Variants in EYS observed in about 807,000 individuals in gnomAD.
EYS encodes protein eyes shut homolog.
EYS carries 250 observed loss-of-function variants against 282.1 expected under a neutral mutation model. The ratio of observed to expected loss-of-function variants is 0.89; its 90% CI spans 0.80 to 0.98. The LOEUF (loss-of-function observed/expected upper bound fraction) is 0.98, where lower values mean the gene tolerates loss of function less well. Ranked by LOEUF, EYS falls within the 50% of genes least tolerant of loss-of-function variation. The pLI, the probability that EYS is intolerant of heterozygous loss-of-function variation, is 0.00. For synonymous variants in EYS, 1,355 were observed against 1,282.9 expected (o/e 1.06, Z -1.20); for missense variants, 4,016 against 3,709.0 (o/e 1.08, Z -2.15).
intron 19 of EYS, among the ~76,000 whole-genome samples, chr6:64,856,030 G>C (rs567118898): frequency 6.6e-6 from 1 of 151,810 alleles, no homozygotes; most frequent in Admixed American, 6.6e-5. Context: ...GATGTGTTGG[G>C]CTTCCAGCTT....
intron 12 of EYS, among the ~76,000 whole-genome samples, chr6:65,130,800 TA>T (rs775834925): frequency 0.017 from 2,226 of 127,400 alleles, 19 homozygotes; most frequent in African/African-American, 0.028. Flanking sequence ...GAACTAAAGT[TA>T]AAAAAAAAAA....
intron 26 of EYS, among the ~76,000 whole-genome samples, chr6:64,502,955 TC>T (rs1189359773): frequency 2.0e-5 from 3 of 152,330 alleles, no homozygotes; most frequent in African/African-American, 7.2e-5. Context: ...CAATGCAAGT[TC>T]TTAACGAACT....
At chr6:64,495,017 A>G (rs1202668862) in intron 26 of EYS, among the ~76,000 whole-genome samples, 1 of 151,756 alleles carries the variant, frequency 6.6e-6, no homozygotes, top group Non-Finnish European at 1.5e-5. Context: ...CCTGTGATTT[A>G]TAATTACTGT....
At chr6:64,769,482 A>C (rs1773459502) in intron 22 of EYS, among the ~76,000 whole-genome samples, 1 of 152,072 alleles carries the variant, frequency 6.6e-6, no homozygotes. Context: ...CCATTACGCT[A>C]TGTAATAACT....
chr6:65,427,959 CAAAT>C (rs1767728146), intron 5 of EYS, among the ~76,000 whole-genome samples: 2 of 151,186 alleles, frequency 1.3e-5, no homozygotes, highest in African/African-American at 4.9e-5. Context: ...TATGAAAGTA[CAAAT>C]AAAGAAAATT....
intron 29 of EYS, among the ~76,000 whole-genome samples, chr6:64,359,922 T>G (rs1366104789): frequency 2.0e-5 from 3 of 151,624 alleles, no homozygotes; most frequent in African/African-American, 7.3e-5. Flanking sequence ...TAATACCATG[T>G]AAAGCAAGTA....
rs775337983 is a variant in EYS at position 64,780,585 on chromosome 6, G to A, written c.3443+32793C>T. On this transcript the variant is annotated intron_variant, in intron 22 of 42. Coordinates refer to ENST00000503581, the MANE Select transcript of EYS (RefSeq NM_001142800.2). The stretch of plus-strand genomic sequence containing the variant: ...TTGGGTACAATGTTCATTATTGGGC[G>A]ATGGATGCATTAGAAGCCAAACCTC... 2.8e-4 allele frequency among the ~76,000 whole-genome samples: 42 copies of A among 152,084 alleles called. 1 individual carries two copies. Among genetic ancestry groups the A allele is most frequent in the Admixed American group, 1.4e-3 (21 of 15,262 alleles).
chr6:64,705,508 T>C (rs2149928882), intron 22 of EYS, among the ~76,000 whole-genome samples: 1 of 151,930 alleles, frequency 6.6e-6, no homozygotes, highest in East Asian at 1.9e-4. Flanking sequence ...AAAAAAAGCA[T>C]GCATAGCCAA....
chr6:64,084,305 C>A (rs1008231701), intron 31 of EYS, among the ~76,000 whole-genome samples: 1 of 152,142 alleles, frequency 6.6e-6, no homozygotes, highest in African/African-American at 2.4e-5. Context: ...CAGTGATTTG[C>A]CTGTGTCAGT....
At chr6:65,235,921 T>A (rs1766911533) in intron 12 of EYS, among the ~76,000 whole-genome samples, 1 of 152,118 alleles carries the variant, frequency 6.6e-6, no homozygotes, top group Non-Finnish European at 1.5e-5. Context: ...TTCTATTATG[T>A]TACTTAAAAT....
intron 22 of EYS, among the ~76,000 whole-genome samples, chr6:64,772,234 C>G (rs1773547958): frequency 6.6e-6 from 1 of 151,722 alleles, no homozygotes; most frequent in Non-Finnish European, 1.5e-5. Flanking sequence ...CCTATATCAG[C>G]TGTCCTGTTT....
chr6:65,309,177 A>C (rs947897084), intron 11 of EYS, among the ~76,000 whole-genome samples: 3 of 151,602 alleles, frequency 2.0e-5, no homozygotes, highest in African/African-American at 4.8e-5. Context: ...ATTTCCTCAA[A>C]TAAATAAAGG....
intron 5 of EYS, 149 bp downstream of exon 5, chr6:65,490,445 A>T: frequency 1.8e-6 from 1 of 565,754 alleles, no homozygotes; most frequent in African/African-American, 1.9e-5. Context: ...AAATTGATTT[A>T]TTAAACTTTA....
intron 21 of EYS, among the ~76,000 whole-genome samples, chr6:64,814,328 T>TAA (rs1764685028): frequency 6.6e-6 from 1 of 152,068 alleles, no homozygotes; most frequent in Non-Finnish European, 1.5e-5. Flanking sequence ...ACTACATGGA[T>TAA]GCACAAAATG....
chr6:64,897,453 C>G (rs1767510894), intron 18 of EYS, among the ~76,000 whole-genome samples: 1 of 152,084 alleles, frequency 6.6e-6, no homozygotes, highest in Admixed American at 6.5e-5. Context: ...CCGAAGGTTA[C>G]CAACAGCAAA....
rs1243481311 is a variant in EYS, at chr6:65,384,465, T to G, written c.1220A>C (p.Lys407Thr). The G allele has an allele frequency of 5.0e-6, 8 of 1,607,336 alleles. No individual in the cohort carries two copies. Among genetic ancestry groups the G allele is most frequent in the Middle Eastern group, 1.7e-4 (1 of 6,028 alleles). Reference protein sequence around the residue: ...ISGFTEKNCEKAIDHCKLLSI... With the variant: ...ISGFTEKNCETAIDHCKLLSI... The stretch of plus-strand genomic sequence containing the variant: ...GAGCAGTTTACAGTGGTCAATTGCT[T>G]TCTCACAGTTTTTTTCAGTAAATCC... The change falls in exon 8 of 43, where the codon AAA becomes ACA. Residue 407 changes from lysine (K) to threonine (T), a missense_variant. Coordinates refer to ENST00000503581, the MANE Select transcript of EYS (RefSeq NM_001142800.2).
intron 30 of EYS, among the ~76,000 whole-genome samples, chr6:64,296,575 TATATATATAC>T (rs1354544793): frequency 2.8e-3 from 31 of 10,882 alleles, no homozygotes; most frequent in African/African-American, 5.8e-3. Context: ...TATATATATA[TATATATATAC>T]ATATATATAT....
At chr6:65,136,127 G>C (rs972153158) in intron 12 of EYS, among the ~76,000 whole-genome samples, 5 of 151,880 alleles carry the variant, frequency 3.3e-5, no homozygotes, top group Non-Finnish European at 7.4e-5. Context: ...TGAATTATAA[G>C]TCAAATGTAT....
intron 2 of EYS, among the ~76,000 whole-genome samples, chr6:65,604,829 A>G (rs1256427454): frequency 6.9e-6 from 1 of 145,440 alleles, no homozygotes; most frequent in Non-Finnish European, 1.5e-5. Context: ...AAGACCTTTA[A>G]ATTCACTGCC....
Sources: allele counts gnomAD v4.1 joint callset (sites outside exome capture counted in the v4.1 genomes callset), GRCh38; gene constraint gnomAD v4.1.1; transcripts MANE v1.5; gene names NCBI Gene and HGNC (gene_info 2026-07-23, HGNC 2026-07-21).